Variants in NKD2 observed in about 807,000 individuals in gnomAD.
NKD2 encodes the protein NKD inhibitor of Wnt signaling pathway 2.
A neutral mutation model predicts 34.8 loss-of-function variants in NKD2; 43 were observed. The ratio of observed to expected loss-of-function variants is 1.24; its 90% CI spans 0.97 to 1.60. The LOEUF is 1.60. Ranked by LOEUF, NKD2 falls within the 40% of genes most tolerant of loss-of-function variation. The pLI is 0.00. For synonymous variants in NKD2, 278 were observed against 265.1 expected, an observed-to-expected ratio of 1.05 and a Z score of -0.47; for missense variants, 675 against 627.1, an observed-to-expected ratio of 1.08 and a Z score of -0.82.
intron 4 of NKD2, among the ~76,000 whole-genome samples, chr5:1,032,538 G>C (rs1756685976): frequency 6.6e-6 from 1 of 152,254 alleles, no homozygotes; most frequent in Non-Finnish European, 1.5e-5. Context: ...GAATTTTCAA[G>C]TTAGCCCTGG....
intron 3 of NKD2, among the ~76,000 whole-genome samples, chr5:1,031,271 C>G (rs747390979): frequency 8.5e-5 from 13 of 152,172 alleles, no homozygotes; most frequent in Admixed American, 2.0e-4. Context: ...GCAGTCCCAG[C>G]TGGGCAGCCC....
In NKD2 at chr5:1,034,325, A is replaced by G; in HGVS notation, c.421A>G (p.Arg141Gly). The change falls in exon 6 of 10, where the codon AGG (arginine) becomes GGG (glycine). Residue 141 changes from arginine to glycine, a missense_variant. Physicochemically the swap from Arg to Gly is moderately radical, Grantham distance 125 (BLOSUM62 -2). Transcript: ENST00000296849. ...CTTTGACAACTGCGGGAAGGTCACC[A>G]GGGAGGTAGGTGAGCTTGTGTTTGC... ...YDFDNCGKVTREDMSSLMHTI... is the reference protein window; with the variant it reads ...YDFDNCGKVTGEDMSSLMHTI... 1 of 1,611,510 alleles carries G rather than the reference A, an allele frequency of 6.2e-7. No homozygotes were observed. The highest frequency in any genetic ancestry group is 8.5e-7 in the Non-Finnish European group (1 of 1,178,746).
rs1364939046 is a variant in NKD2 at position 1,035,370 on chromosome 5, G to A, written c.575-19G>A. On this transcript the variant is annotated intron_variant, in intron 7 of 9. Transcript: ENST00000296849. The stretch of plus-strand genomic sequence containing the variant: ...ATGAAGGAGGGAGGGAGTGAGTAAT[G>A]GCAGGACCCCCCTTTCAGACCGGGA... 4 of 1,549,890 alleles carry A rather than the reference G, an allele frequency of 2.6e-6. No individual in the cohort carries two copies. The highest frequency in any genetic ancestry group is 1.9e-5 in the Admixed American group (1 of 51,460).
Position 1,036,369 on chromosome 5 carries a change from T to C in NKD2, c.772T>C (p.Ser258Pro), listed in dbSNP as rs763124699. The change falls in exon 9 of 10, where the codon TCC becomes CCC. Residue 258 changes from serine (S) to proline (P), a missense_variant. Coordinates refer to ENST00000296849, the MANE Select transcript of NKD2 (RefSeq NM_033120.4). Reference protein sequence around the residue: ...LDLAGIENYTSRFGPGSPPVQ... With the variant: ...LDLAGIENYTPRFGPGSPPVQ... ...CCTCGCCGGGATTGAGAACTACACG[T>C]CCAGATTCGGCCCTGGTAGGTCCTG... is the stretch of plus-strand genomic sequence containing the variant. The C allele has an allele frequency of 6.7e-5, 108 of 1,612,432 alleles. No individual in the cohort carries two copies. Among genetic ancestry groups the C allele is most frequent in the Non-Finnish European group, 9.1e-5 (107 of 1,179,650 alleles).
intron 3 of NKD2, among the ~76,000 whole-genome samples, chr5:1,025,741 G>A (rs1383166511): frequency 2.2e-5 from 1 of 45,534 alleles, no homozygotes. Flanking sequence ...CTTCCCACCC[G>A]CTGTGGGCGT....
At chr5:1,012,989 T>C (rs900965042) in intron 3 of NKD2, among the ~76,000 whole-genome samples, 1 of 152,148 alleles carries the variant, frequency 6.6e-6, no homozygotes, top group Non-Finnish European at 1.5e-5. Flanking sequence ...AAGATACACA[T>C]TTGCAGGAGA....
intron 3 of NKD2, among the ~76,000 whole-genome samples, chr5:1,015,060 C>T (rs973275649): frequency 1.3e-5 from 2 of 152,234 alleles, no homozygotes; most frequent in African/African-American, 4.8e-5. Context: ...CTCCACGCTC[C>T]ATAAGGCCAG....
rs1423737044 is a variant in NKD2, at chr5:1,009,986, C to CAT, written c.141+428_141+429dup. On this transcript the variant is annotated intron_variant, in intron 3 of 9. Coordinates refer to ENST00000296849, the MANE Select transcript of NKD2 (RefSeq NM_033120.4). This position sits in a 1 kb window ranked among gnomAD's most constrained non-coding sequence, Gnocchi z 6.9. ...GCTACAGACCTGGGGCATCACTGGT[C>CAT]ATAGCCTCAGTGCTCAATCAGCAAA... Among the ~76,000 whole-genome samples the CAT allele has an allele frequency of 6.6e-6, 1 of 152,152 alleles. No homozygotes were observed. The highest frequency in any genetic ancestry group is 1.5e-5 in the Non-Finnish European group (1 of 68,026).
intron 3 of NKD2, among the ~76,000 whole-genome samples, chr5:1,015,575 G>T (rs149389495): frequency 6.6e-6 from 1 of 152,176 alleles, no homozygotes; most frequent in Admixed American, 6.5e-5. Flanking sequence ...GGGTTATGAC[G>T]AAAGGCCTAT....
At chr5:1,036,661 A>G in intron 9 of NKD2, 1 of 598,892 alleles carries the variant, frequency 1.7e-6, no homozygotes, top group South Asian at 1.6e-5. Context: ...TGCCTGGTTC[A>G]AAGTGAGATG....
intron 3 of NKD2, among the ~76,000 whole-genome samples, chr5:1,014,292 C>T (rs781671017): frequency 2.0e-5 from 3 of 152,210 alleles, no homozygotes; most frequent in African/African-American, 4.8e-5. Context: ...TTGCAATCCT[C>T]GGAAACCAAT....
intron 3 of NKD2, among the ~76,000 whole-genome samples, chr5:1,016,002 G>T (rs143023460): frequency 6.6e-6 from 1 of 152,224 alleles, no homozygotes; most frequent in Non-Finnish European, 1.5e-5. Flanking sequence ...CTGGAGGTGC[G>T]GAAGGAGCCC....
intron 6 of NKD2, 69 bp downstream of exon 6, chr5:1,034,399 T>G (rs1258756846): frequency 7.8e-7 from 1 of 1,287,266 alleles, no homozygotes; most frequent in African/African-American, 1.5e-5. Flanking sequence ...TGTGCTGGCC[T>G]CGCGATACCT....
chr5:1,009,353 C>A lies in NKD2; in HGVS notation c.62-128C>A, dbSNP rs567930297. The A allele has an allele frequency of 2.6e-4, 177 of 676,012 alleles. 4 individuals are homozygous for A. The South Asian group carries it at 3.5e-3, about 13-fold the overall frequency. 41.9% of individuals were successfully genotyped at this position (676,012 alleles called of 1,614,324 possible). A position where few individuals can be genotyped will look rare whatever the true frequency, so the allele number is the denominator to read the frequency against. ...CGGGTCTCCAGGAGCGCGCGGGACC[C>A]CCACGCCTGCCCCTGCGCGGTCTCC... On this transcript the variant is annotated intron_variant, in intron 2 of 9. Coordinates refer to ENST00000296849, the MANE Select transcript of NKD2 (RefSeq NM_033120.4). This position sits in a 1 kb window ranked among gnomAD's most constrained non-coding sequence, Gnocchi z 6.9.
intron 3 of NKD2, among the ~76,000 whole-genome samples, chr5:1,028,083 C>G (rs189533152): frequency 6.6e-6 from 1 of 152,200 alleles, no homozygotes; most frequent in Non-Finnish European, 1.5e-5. Flanking sequence ...CTCTCCGTGC[C>G]TGGCCGCCTG....
At chr5:1,019,997 G>A (rs964587113) in intron 3 of NKD2, among the ~76,000 whole-genome samples, 3 of 152,146 alleles carry the variant, frequency 2.0e-5, no homozygotes, top group African/African-American at 7.2e-5. Flanking sequence ...CCCGAGTCGT[G>A]GTTTTATTTT....
intron 3 of NKD2, among the ~76,000 whole-genome samples, chr5:1,027,969 G>A (rs996815281): frequency 1.1e-4 from 16 of 152,234 alleles, no homozygotes; most frequent in African/African-American, 3.9e-4. Flanking sequence ...GGCTCTGGGG[G>A]GCAGTGGTGC....
Position 1,009,625 on chromosome 5 carries a change from G to T in NKD2, c.141+65G>T. The T allele has an allele frequency of 7.7e-7, 1 of 1,304,396 alleles. No individual in the cohort carries two copies. Among genetic ancestry groups the T allele is most frequent in the South Asian group, 1.7e-5 (1 of 57,836 alleles). 80.8% of individuals were successfully genotyped at this position (1,304,396 alleles called of 1,614,324 possible). A position where few individuals can be genotyped will look rare whatever the true frequency, so the allele number is the denominator to read the frequency against. On this transcript the variant is annotated intron_variant, in intron 3 of 9. Coordinates refer to ENST00000296849, the MANE Select transcript of NKD2 (RefSeq NM_033120.4). This position sits in a 1 kb window ranked among gnomAD's most constrained non-coding sequence, Gnocchi z 6.9. ...CGCCCGGGGGCGGGGAGCGGTGTCA[G>T]AGCTGTTCCTGGTGCCCGCCCGCGG...
Position 1,019,834 on chromosome 5 carries a change from TATGA to T in NKD2, c.141+10280_141+10283del, listed in dbSNP as rs1756104472. On this transcript the variant is annotated intron_variant, in intron 3 of 9. Coordinates refer to ENST00000296849, the MANE Select transcript of NKD2 (RefSeq NM_033120.4). ...TGAAATAGGAAACATGAGGCTTTAA[TATGA>T]ATGAAAGAAAACAAAAACGTCCGGT... Among the ~76,000 whole-genome samples the T allele has an allele frequency of 2.0e-5, 3 of 152,280 alleles. 1 individual carries two copies. The East Asian group carries it at 5.8e-4, about 29-fold the overall frequency.
Sources: gnomAD v4.1 joint callset for allele counts (sites outside exome capture counted in the v4.1 genomes callset) on GRCh38, gnomAD v4.1.1 for gene constraint, Gnocchi (gnomAD v3.1) non-coding constraint, MANE v1.5 for transcripts, NCBI Gene and HGNC (gene_info 2026-07-23, HGNC 2026-07-21) for gene names.